The following KMT2C variants were observed in gnomAD, a reference collection of about 807,000 sequenced individuals.
KMT2C encodes histone-lysine N-methyltransferase 2C.
In KMT2C, 88 loss-of-function variants were observed where a neutral mutation model predicts 507.9. The observed-to-expected ratio is 0.17, with a 90% CI of 0.15 to 0.21. KMT2C has a LOEUF of 0.21. KMT2C is among the 10% of genes least tolerant of loss of function. The pLI is 1.00. For missense variants in KMT2C, 4,954 were observed against 5,957.8 expected, an observed-to-expected ratio of 0.83 and a Z score of 5.55; for synonymous variants, 2,049 against 2,080.8, an observed-to-expected ratio of 0.98 and a Z score of 0.42.
chr7:152,394,088 C>T (rs893290177), intron 1 of KMT2C, among the ~76,000 whole-genome samples: 2 of 152,186 alleles, frequency 1.3e-5, no homozygotes, highest in African/African-American at 4.8e-5. Context: ...TCAACATATG[C>T]AGAATTACTT....
intron 1 of KMT2C, among the ~76,000 whole-genome samples, chr7:152,360,292 A>G (rs1311018734): frequency 6.6e-6 from 1 of 152,064 alleles, no homozygotes; most frequent in Non-Finnish European, 1.5e-5. Flanking sequence ...AGCCTGGCCT[A>G]CGTGGCGAAA....
intron 3 of KMT2C, among the ~76,000 whole-genome samples, chr7:152,330,185 A>G (rs2096869902): frequency 6.9e-6 from 1 of 145,326 alleles, no homozygotes; most frequent in African/African-American, 2.8e-5. Flanking sequence ...GGGGGAGAAA[A>G]AGAAAGAAAA....
intron 23 of KMT2C, among the ~76,000 whole-genome samples, chr7:152,216,426 G>A (rs4024347): frequency 1.3e-5 from 2 of 152,326 alleles, no homozygotes; most frequent in East Asian, 3.9e-4. Flanking sequence ...GAACATCACA[G>A]TTTGGATTCT....
rs776945150 is a variant in KMT2C at position 152,162,636 on chromosome 7, G to A, written c.10941C>T (p.Ser3647=). 28 of 1,614,224 alleles carry A rather than the reference G, an allele frequency of 1.7e-5. No homozygotes were observed. Among genetic ancestry groups the A allele is most frequent in the East Asian group, 8.9e-5 (4 of 44,886 alleles). Reference sequence around the variant, plus strand: ...CTTGTTGAGGAAGCTCACTGGGTGTGCTCACTGCAGGAGTAGAGGTAGTTT... The same window carrying A: ...CTTGTTGAGGAAGCTCACTGGGTGTACTCACTGCAGGAGTAGAGGTAGTTT... ...ISETTSTPAV[S]TPSELPQQAD... is the part of the protein sequence containing the mutation. Residue 3647 remains serine (S), a synonymous_variant, in exon 43 of 59, where the codon AGC becomes AGT. Coordinates refer to ENST00000262189, the MANE Select transcript of KMT2C (RefSeq NM_170606.3).
chr7:152,293,410 T>C (rs2096456044), intron 6 of KMT2C, among the ~76,000 whole-genome samples: 1 of 152,226 alleles, frequency 6.6e-6, no homozygotes, highest in African/African-American at 2.4e-5. Context: ...TTTTTAATTT[T>C]TGAAATAAAA....
At chr7:152,411,266 G>A (rs2097680252) in intron 1 of KMT2C, among the ~76,000 whole-genome samples, 1 of 152,048 alleles carries the variant, frequency 6.6e-6, no homozygotes, top group African/African-American at 2.4e-5. Context: ...TGTTGTGCCA[G>A]ATATAATACC....
At chr7:152,410,823 G>T (rs929865524) in intron 1 of KMT2C, among the ~76,000 whole-genome samples, 10 of 151,416 alleles carry the variant, frequency 6.6e-5, no homozygotes, top group African/African-American at 2.4e-4. Context: ...ATCGAGAGAC[G>T]CCGTCTCTAC....
intron 6 of KMT2C, among the ~76,000 whole-genome samples, chr7:152,308,231 T>C (rs543149033): frequency 1.7e-3 from 257 of 152,332 alleles, no homozygotes; most frequent in African/African-American, 6.0e-3. Context: ...TGATTGAATT[T>C]TTACTTGAAT....
intron 6 of KMT2C, among the ~76,000 whole-genome samples, chr7:152,305,797 C>T (rs570009039): frequency 3.9e-5 from 6 of 152,232 alleles, no homozygotes; most frequent in African/African-American, 1.4e-4. Context: ...TACTTTCTGG[C>T]ACCACAAGAT....
chr7:152,178,644 AT>A (rs1173615727), intron 37 of KMT2C, among the ~76,000 whole-genome samples: 2 of 152,248 alleles, frequency 1.3e-5, no homozygotes, highest in Non-Finnish European at 2.9e-5. Flanking sequence ...GGCATAAATT[AT>A]AACAAGGTGG....
intron 9 of KMT2C, among the ~76,000 whole-genome samples, chr7:152,256,536 G>A (rs2095665080): frequency 6.6e-6 from 1 of 152,042 alleles, no homozygotes; most frequent in African/African-American, 2.4e-5. Flanking sequence ...TATGGCCGGG[G>A]TGATGGAGTG....
chr7:152,158,675 C>A (rs935579682), intron 44 of KMT2C, among the ~76,000 whole-genome samples, 188 bp downstream of exon 44: 1 of 152,048 alleles, frequency 6.6e-6, no homozygotes, highest in African/African-American at 2.4e-5. Context: ...ACCACCACGC[C>A]CAGTAAATGT....
intron 1 of KMT2C, among the ~76,000 whole-genome samples, chr7:152,420,320 T>C (rs1055634083): frequency 6.6e-6 from 1 of 152,198 alleles, no homozygotes; most frequent in African/African-American, 2.4e-5. Flanking sequence ...AAATGAACCT[T>C]TGTGACTGAT....
chr7:152,152,772 G>C lies in KMT2C; in HGVS notation c.12459C>G (p.Asn4153Lys), dbSNP rs752357757. The change falls in exon 49 of 59, where the codon AAC becomes AAG. Residue 4153 changes from asparagine to lysine, a missense_variant. Transcript: ENST00000262189. ...GGTAAGAGCTCACTAATCTGGGAGG[G>C]TTTGCAGATCCTGGCGGAGGCCCAC... ...LLRGPPPGSA[N>K]PPRLVSSYRL... 6.2e-7 allele frequency: 1 copy of C among 1,614,190 alleles called. No homozygotes were observed. Among genetic ancestry groups the C allele is most frequent in the Non-Finnish European group, 8.5e-7 (1 of 1,180,026 alleles).
intron 44 of KMT2C, among the ~76,000 whole-genome samples, chr7:152,158,154 T>C: frequency 6.6e-6 from 1 of 152,216 alleles, no homozygotes. Context: ...GAAAAACATA[T>C]TTCTTATCTA....
chr7:152,356,856 A>T (rs1333395559), intron 2 of KMT2C, among the ~76,000 whole-genome samples: 1 of 150,864 alleles, frequency 6.6e-6, no homozygotes, highest in African/African-American at 2.4e-5. Flanking sequence ...GCACCACTGC[A>T]CTCCAGCCTG....
At position 152,220,592 on chromosome 7, in the gene KMT2C, C is replaced by A. The variant is rs1160567943; in HGVS notation, c.3643G>T (p.Ala1215Ser). 3 of 1,611,796 alleles carry A rather than the reference C, an allele frequency of 1.9e-6. No individual in the cohort carries two copies. Among genetic ancestry groups the A allele is most frequent in the African/African-American group, 1.3e-5 (1 of 74,854 alleles). ...KLKIINQNSV[A>S]VLQTPPDIQS... The stretch of plus-strand genomic sequence containing the variant: ...ATGTCTGGAGGGGTCTGAAGGACGG[C>A]CACGCTATTCTGATTTATAATCTTC... Residue 1215 changes from alanine (A) to serine (S), a missense_variant, in exon 23 of 59, where the codon GCC becomes TCC. By Grantham distance (99) the Ala-to-Ser change is moderately conservative (BLOSUM62 1). Coordinates refer to ENST00000262189, the MANE Select transcript of KMT2C (RefSeq NM_170606.3).
chr7:152,201,617 G>GGAAAAAAA lies in KMT2C; in HGVS notation c.4092+1316_4092+1317insTTTTTTTC, dbSNP rs1491277955. On this transcript the variant is annotated intron_variant, in intron 26 of 58. Coordinates refer to ENST00000262189, the MANE Select transcript of KMT2C (RefSeq NM_170606.3). ...CCCAGGAGAAAACAACAACAAAGATGAAAAAAAAAAAAAAAAAAAAAAAAA... is the reference window on the plus strand; with the variant it reads ...CCCAGGAGAAAACAACAACAAAGATGGAAAAAAAAAAAAAAAAAAAAAAAAAAAAAAAA... Among the ~76,000 whole-genome samples, 4 of 22,906 alleles carry GGAAAAAAA rather than the reference G, an allele frequency of 1.7e-4. 1 individual carries two copies. The highest frequency in any genetic ancestry group is 3.3e-4 in the African/African-American group (4 of 12,180). 15.0% of individuals were successfully genotyped at this position (22,906 alleles called of 152,430 possible).
Position 152,273,861 on chromosome 7 carries a change from C to T in KMT2C, c.856G>A (p.Ala286Thr), listed in dbSNP as rs748471625. 9.9e-6 allele frequency: 16 copies of T among 1,613,046 alleles called. No individual in the cohort carries two copies. Among genetic ancestry groups the T allele is most frequent in the Non-Finnish European group, 1.4e-5 (16 of 1,179,356 alleles). Residue 286 changes from alanine (A) to threonine (T), a missense_variant, in exon 7 of 59, where the codon GCA becomes ACA. Transcript: ENST00000262189. ...GTGGCTCCAAGGTGCTTACAAAATGCACATCGCTGAAAGGGGTAAAGGAGA... is the reference window on the plus strand; with the variant it reads ...GTGGCTCCAAGGTGCTTACAAAATGTACATCGCTGAAAGGGGTAAAGGAGA... ...AVVSGSTERC[A>T]FCKHLGATIK...
Sources: gnomAD v4.1 joint callset for allele counts (sites outside exome capture counted in the v4.1 genomes callset) on GRCh38, gnomAD v4.1.1 for gene constraint, MANE v1.5 for transcripts, NCBI Gene and HGNC (gene_info 2026-07-23, HGNC 2026-07-21) for gene names.